Variants in MTOR observed in about 807,000 individuals in gnomAD.
MTOR encodes serine/threonine-protein kinase mTOR.
In MTOR, 70 loss-of-function variants were observed where a neutral mutation model predicts 319.8. The ratio of observed to expected loss-of-function variants is 0.22; its 90% confidence interval spans 0.18 to 0.27. The LOEUF is 0.27. Among genes scored for constraint, MTOR ranks in the 10% least tolerant of loss-of-function variants. The pLI is 1.00. For missense variants in MTOR, 1,890 were observed against 3,274.4 expected, an observed-to-expected ratio of 0.58 and a Z score of 10.32; for synonymous variants, 1,183 against 1,211.4, an observed-to-expected ratio of 0.98 and a Z score of 0.49.
intron 18 of MTOR, among the ~76,000 whole-genome samples, chr1:11,230,627 T>G (rs141998355): frequency 6.6e-6 from 1 of 152,012 alleles, no homozygotes; most frequent in African/African-American, 2.4e-5. Flanking sequence ...GAATGAGAGA[T>G]AGATAGAGGT....
intron 28 of MTOR, among the ~76,000 whole-genome samples, chr1:11,191,901 C>CT (rs1203084784): frequency 6.6e-6 from 1 of 152,186 alleles, no homozygotes; most frequent in Non-Finnish European, 1.5e-5. Flanking sequence ...TGGCGGCTGT[C>CT]TAAGAAGTCT....
At chr1:11,211,197 T>C (rs1039997324) in intron 23 of MTOR, among the ~76,000 whole-genome samples, 46 of 152,214 alleles carry the variant, frequency 3.0e-4, no homozygotes, top group African/African-American at 1.1e-3. Flanking sequence ...AGTCAGATCT[T>C]ATTTTTCCTG....
intron 54 of MTOR, among the ~76,000 whole-genome samples, chr1:11,112,399 C>T (rs989946417): frequency 1.3e-4 from 20 of 152,200 alleles, no homozygotes; most frequent in Non-Finnish European, 7.3e-5. Flanking sequence ...GGTACCCACT[C>T]CATGTGTGAA....
intron 49 of MTOR, among the ~76,000 whole-genome samples, chr1:11,120,824 T>G (rs777570867): frequency 3.3e-5 from 5 of 152,128 alleles, no homozygotes; most frequent in African/African-American, 1.2e-4. Flanking sequence ...TTGTTATATA[T>G]ATTTTTAAAA....
rs763090421 is a variant in MTOR, at chr1:11,199,734, AC to A, written c.3945-32del. 1 of 1,609,310 alleles carries A rather than the reference AC, an allele frequency of 6.2e-7. No individual in the cohort carries two copies. The highest frequency in any genetic ancestry group is 8.5e-7 in the Non-Finnish European group (1 of 1,177,222). On this transcript the variant is annotated intron_variant, in intron 26 of 57. Coordinates refer to ENST00000361445, the MANE Select transcript of MTOR (RefSeq NM_004958.4). The surrounding 1 kb of genome is among the most constrained non-coding windows in gnomAD (Gnocchi z 4.5). ...GGCAGAGAAGGTGGAAAATGGAGAGACCTCCCGTGCCTCTGCCTGCTGCCTC... is the reference window on the plus strand; with the variant it reads ...GGCAGAGAAGGTGGAAAATGGAGAGACTCCCGTGCCTCTGCCTGCTGCCTC...
At chr1:11,253,764 A>G in intron 6 of MTOR, 75 bp downstream of exon 6, 1 of 1,509,624 alleles carries the variant, frequency 6.6e-7, no homozygotes, top group Non-Finnish European at 9.2e-7. Flanking sequence ...CTCCATGAGG[A>G]CATGGATCTC....
chr1:11,231,254 T>C (rs772179768), intron 17 of MTOR, 46 bp downstream of exon 17: 2 of 1,611,348 alleles, frequency 1.2e-6, no homozygotes, highest in South Asian at 1.1e-5. Context: ...TCTCTTGCCA[T>C]CGTCCCAGCA....
intron 53 of MTOR, 52 bp downstream of exon 53, chr1:11,114,266 A>T (rs1642046961): frequency 4.4e-6 from 7 of 1,602,936 alleles, no homozygotes; most frequent in South Asian, 1.1e-5. Flanking sequence ...AAATGTTAGG[A>T]TTACAGGTGT....
At chr1:11,112,323 T>C (rs1402409254) in intron 54 of MTOR, among the ~76,000 whole-genome samples, 1 of 152,236 alleles carries the variant, frequency 6.6e-6, no homozygotes, top group African/African-American at 2.4e-5. Flanking sequence ...TATTCAGACA[T>C]ACTTTAAACT....
chr1:11,122,525 T>TA (rs1444698508), intron 47 of MTOR, among the ~76,000 whole-genome samples: 3 of 146,906 alleles, frequency 2.0e-5, no homozygotes, highest in Non-Finnish European at 4.5e-5. Context: ...TTTTTTTTTT[T>TA]TAGATGGAGT....
At chr1:11,171,639 T>C (rs928053755) in intron 28 of MTOR, among the ~76,000 whole-genome samples, 3 of 151,994 alleles carry the variant, frequency 2.0e-5, no homozygotes, top group Non-Finnish European at 4.4e-5. Flanking sequence ...AGAAACAAAT[T>C]TTACCTTAAT....
intron 19 of MTOR, among the ~76,000 whole-genome samples, chr1:11,217,486 A>C (rs1557435103): frequency 6.6e-6 from 1 of 151,446 alleles, no homozygotes; most frequent in Non-Finnish European, 1.5e-5. Context: ...CCCGGGTTCA[A>C]GCCTCCCGGG....
At chr1:11,234,892 T>C (rs1336133581) in intron 13 of MTOR, among the ~76,000 whole-genome samples, 1 of 152,102 alleles carries the variant, frequency 6.6e-6, no homozygotes, top group Non-Finnish European at 1.5e-5. Context: ...ATCTTGCTCA[T>C]GGTGACATAG....
chr1:11,181,064 C>A (rs1220291339), intron 28 of MTOR, among the ~76,000 whole-genome samples: 2 of 152,134 alleles, frequency 1.3e-5, no homozygotes. Flanking sequence ...CATGAGCCAC[C>A]TTGCCCGCCC....
At chr1:11,236,409 GAT>G (rs1387942196) in intron 13 of MTOR, among the ~76,000 whole-genome samples, 3 of 151,826 alleles carry the variant, frequency 2.0e-5, no homozygotes, top group Non-Finnish European at 4.4e-5. Flanking sequence ...AATGTGCTGG[GAT>G]AACAGACATG....
chr1:11,169,099 G>C (rs1644733104), intron 28 of MTOR, among the ~76,000 whole-genome samples: 1 of 152,188 alleles, frequency 6.6e-6, no homozygotes, highest in Admixed American at 6.5e-5. Context: ...TGAGTTCAAT[G>C]TGGTAATATG....
intron 19 of MTOR, among the ~76,000 whole-genome samples, chr1:11,217,501 A>C (rs576579021): frequency 1.3e-4 from 19 of 151,642 alleles, no homozygotes; most frequent in South Asian, 8.4e-4. Context: ...CCCGGGTTCA[A>C]GCCATTCTCC....
intron 49 of MTOR, among the ~76,000 whole-genome samples, chr1:11,120,520 GAA>G (rs759905739): frequency 1.0e-4 from 14 of 137,132 alleles, no homozygotes; most frequent in Non-Finnish European, 1.1e-4. Flanking sequence ...CCTGGGCGGG[GAA>G]AAAAAAAAAA....
chr1:11,118,626 T>C (rs1203213429), intron 49 of MTOR, among the ~76,000 whole-genome samples: 1 of 149,326 alleles, frequency 6.7e-6, no homozygotes. Flanking sequence ...TTCTTTTTTT[T>C]TTTTTTTTTT....
Sources: gnomAD v4.1 joint callset for allele counts (sites outside exome capture counted in the v4.1 genomes callset) on GRCh38, gnomAD v4.1.1 for gene constraint, Gnocchi (gnomAD v3.1) non-coding constraint, MANE v1.5 for transcripts, NCBI Gene and HGNC (gene_info 2026-07-23, HGNC 2026-07-21) for gene names.